The following RGS12 variants were observed in gnomAD, a reference collection of about 807,000 sequenced individuals.
RGS12 encodes the protein regulator of G protein signaling 12, also known as regulator of G-protein signaling 12.
In RGS12, 66 loss-of-function variants were observed where a neutral mutation model predicts 120.1. That is an observed-to-expected ratio of 0.55 (90% CI 0.45 to 0.67). RGS12 has a LOEUF of 0.67. Among genes scored for constraint, RGS12 ranks in the 30% least tolerant of loss-of-function variants. RGS12 has a pLI of 0.00. For synonymous variants in RGS12, 827 were observed against 804.7 expected (o/e 1.03, Z -0.47); for missense variants, 1,859 against 1,957.7 (o/e 0.95, Z 0.95).
rs531860799 is a variant in RGS12 at position 3,433,349 on chromosome 4, G to A, written c.4114+2394G>A. 2.6e-4 allele frequency among the ~76,000 whole-genome samples: 39 copies of A among 152,292 alleles called. No homozygotes were observed. The highest frequency in any genetic ancestry group is 9.4e-4 in the African/African-American group (39 of 41,564). Reference sequence around the variant, plus strand: ...CCATGGTGGGCAGCATGCCGGCTACGCGTGGGGGCTGCCAGCAACAGCCTT... The same window carrying A: ...CCATGGTGGGCAGCATGCCGGCTACACGTGGGGGCTGCCAGCAACAGCCTT... On this transcript the variant is annotated intron_variant, in intron 17 of 17. Transcript: ENST00000336727. The surrounding 1 kb of genome is among the most constrained non-coding windows in gnomAD (Gnocchi z 4.4).
intron 3 of RGS12, among the ~76,000 whole-genome samples, chr4:3,379,129 T>C (rs1718008082): frequency 6.6e-6 from 1 of 152,094 alleles, no homozygotes. Flanking sequence ...CAAACATGTG[T>C]GGCTTCACTT....
chr4:3,436,346 T>G (rs1226043140), intron 17 of RGS12, among the ~76,000 whole-genome samples: 1 of 152,082 alleles, frequency 6.6e-6, no homozygotes, highest in Admixed American at 6.5e-5. Context: ...GTGAGCCGGC[T>G]CAGCCTTGCC....
intron 2 of RGS12, among the ~76,000 whole-genome samples, chr4:3,326,489 T>G (rs1725563243): frequency 6.6e-6 from 1 of 152,198 alleles, no homozygotes; most frequent in Non-Finnish European, 1.5e-5. Flanking sequence ...TCAAGCAATC[T>G]GCCTGCCTCG....
intron 16 of RGS12, 84 bp from the exon 17 acceptor site, chr4:3,430,323 G>A (rs1057486912): frequency 1.3e-5 from 17 of 1,287,158 alleles, no homozygotes; most frequent in Non-Finnish European, 1.7e-5. Flanking sequence ...AGCCCAGGAT[G>A]AGAGCTTTCT....
chr4:3,365,447 C>T lies in RGS12; in HGVS notation c.1999-20969C>T, dbSNP rs1716203668. Among the ~76,000 whole-genome samples, 2 of 152,058 alleles carry T rather than the reference C, an allele frequency of 1.3e-5. No homozygotes were observed. Among genetic ancestry groups the T allele is most frequent in the Admixed American group, 6.5e-5 (1 of 15,282 alleles). ...TGGCAGGAGCTTTTGCGTCTGTCCC[C>T]AGTGAGTTGCCTTGATTCCATCTTG... is the stretch of plus-strand genomic sequence containing the variant. On this transcript the variant is annotated intron_variant, in intron 3 of 17. Transcript: ENST00000336727. The surrounding 1 kb of genome is among the most constrained non-coding windows in gnomAD (Gnocchi z 4.0).
rs541796481 is a variant in RGS12 at position 3,372,491 on chromosome 4, C to G, written c.1999-13925C>G. ...GGAGCCGCCCGAGCTGTTGGCTTCC[C>G]CGATGTTCCCCCTGTGCTCGAGCTA... On this transcript the variant is annotated intron_variant, in intron 3 of 17. Transcript: ENST00000336727. The surrounding 1 kb of genome is among the most constrained non-coding windows in gnomAD (Gnocchi z 4.3). Among the ~76,000 whole-genome samples the G allele has an allele frequency of 1.3e-5, 2 of 152,358 alleles. No homozygotes were observed. Among genetic ancestry groups the G allele is most frequent in the East Asian group, 3.9e-4 (2 of 5,188 alleles).
chr4:3,423,468 A>G (rs769210073), intron 12 of RGS12, 47 bp from the exon 13 acceptor site: 3 of 1,608,100 alleles, frequency 1.9e-6, no homozygotes, highest in Admixed American at 1.7e-5. Context: ...TGATCTCCTA[A>G]TGAGGGCTGA....
chr4:3,435,330 T>C (rs1457571849), intron 17 of RGS12, among the ~76,000 whole-genome samples: 1 of 152,040 alleles, frequency 6.6e-6, no homozygotes, highest in Non-Finnish European at 1.5e-5. Flanking sequence ...GCTCCTGCTC[T>C]GTCCAAGAGA....
In RGS12 at chr4:3,353,831, G is replaced by A. The variant is rs533565542; in HGVS notation, c.1998+10778G>A. The stretch of plus-strand genomic sequence containing the variant: ...TACGCCCCCTCTTTATAGGGAGAAC[G>A]TGGTAGTGCTTTGGGTCCACAGATA... On this transcript the variant is annotated intron_variant, in intron 3 of 17. Transcript: ENST00000336727. 5.9e-5 allele frequency among the ~76,000 whole-genome samples: 9 copies of A among 152,236 alleles called. No homozygotes were observed. The South Asian group carries it at 1.5e-3, about 25-fold the overall frequency.
intron 17 of RGS12, among the ~76,000 whole-genome samples, chr4:3,438,349 C>T (rs544410461): frequency 2.0e-5 from 3 of 149,430 alleles, no homozygotes; most frequent in East Asian, 1.9e-4. Context: ...GGGTCGGCAA[C>T]GTCACCCCCA....
chr4:3,368,129 T>C (rs1161865396), intron 3 of RGS12, among the ~76,000 whole-genome samples: 1 of 152,108 alleles, frequency 6.6e-6, no homozygotes, highest in Non-Finnish European at 1.5e-5. Context: ...CTGGGGGCCC[T>C]GGGGGGCCAG....
intron 3 of RGS12, among the ~76,000 whole-genome samples, chr4:3,375,274 G>GCCTCATCTCCAGC (rs1457455449): frequency 7.6e-6 from 1 of 132,098 alleles, no homozygotes. Context: ...CTCATCTCCA[G>GCCTCATCTCCAGC]CCTCATCTCC....
At chr4:3,418,351 G>A (rs1478004146) in intron 9 of RGS12, 1 of 152,316 alleles carries the variant, frequency 6.6e-6, no homozygotes, top group East Asian at 1.9e-4. Context: ...ACATAGGGGA[G>A]AACTGGGAAG....
At chr4:3,304,967 C>G (rs573310261) in intron 1 of RGS12, among the ~76,000 whole-genome samples, 1 of 152,350 alleles carries the variant, frequency 6.6e-6, no homozygotes, top group South Asian at 2.1e-4. Context: ...CAGGGCTGTG[C>G]GATGAGGATT....
At chr4:3,383,644 A>T (rs1484157542) in intron 3 of RGS12, among the ~76,000 whole-genome samples, 1 of 152,168 alleles carries the variant, frequency 6.6e-6, no homozygotes, top group Non-Finnish European at 1.5e-5. Context: ...CTTTAAAATA[A>T]TTTTTTCCAT....
intron 16 of RGS12, among the ~76,000 whole-genome samples, chr4:3,430,133 G>A (rs997196072): frequency 3.3e-5 from 5 of 152,198 alleles, no homozygotes; most frequent in Admixed American, 2.0e-4. Flanking sequence ...TGAGTCAAGC[G>A]TCTCGTTTGT....
In RGS12 at chr4:3,420,675, G is replaced by A. The variant is rs759683485; in HGVS notation, c.2795G>A (p.Arg932Gln). ...CATGCCAATGGAGGCCTGTGTCGCC[G>A]AGAGTCGCAGGGCTCTGTGTCCTCT... ...ALHANGGLCR[R>Q]ESQGSVSSAG... The change falls in exon 10 of 18, where the codon CGA (arginine) becomes CAA (glutamine). Residue 932 changes from arginine to glutamine, a missense_variant. Around this residue, in one of 3 missense-constraint regions of RGS12, gnomAD observed 375 missense variants for 475.0 expected, o/e 0.79. Coordinates refer to ENST00000336727, the MANE Select transcript of RGS12 (RefSeq NM_001394154.1). The A allele has an allele frequency of 2.0e-5, 32 of 1,613,276 alleles. No homozygotes were observed. Among genetic ancestry groups the A allele is most frequent in the Non-Finnish European group, 2.4e-5 (28 of 1,180,042 alleles).
chr4:3,348,504 G>A (rs1714039186), intron 3 of RGS12, among the ~76,000 whole-genome samples: 1 of 152,156 alleles, frequency 6.6e-6, no homozygotes, highest in African/African-American at 2.4e-5. Context: ...ATGAGACATA[G>A]GAAGAGGGTG....
At chr4:3,367,312 A>T (rs1051627719) in intron 3 of RGS12, among the ~76,000 whole-genome samples, 2 of 152,192 alleles carry the variant, frequency 1.3e-5, no homozygotes, top group Non-Finnish European at 2.9e-5. Context: ...GCCCTTTCCG[A>T]GCTAGCACTC....
Sources: allele counts gnomAD v4.1 joint callset (sites outside exome capture counted in the v4.1 genomes callset), GRCh38; gene constraint gnomAD v4.1.1; regional missense constraint gnomAD v4.1.1; non-coding constraint Gnocchi (gnomAD v3.1); transcripts MANE v1.5; gene names NCBI Gene and HGNC (gene_info 2026-07-23, HGNC 2026-07-21).